The following PSD3 variants were observed in gnomAD, a reference collection of about 807,000 sequenced individuals.
PSD3 encodes the protein PH and SEC7 domain-containing protein 3.
PSD3 carries 49 observed loss-of-function variants against 105.5 expected under a neutral mutation model. The observed-to-expected ratio is 0.46, with a 90% CI of 0.37 to 0.59. PSD3 has a LOEUF of 0.59. PSD3 is among the 20% of genes least tolerant of loss of function. The probability of loss-of-function intolerance (pLI) is 0.00; values close to 1 mark genes in which losing one functional copy is unlikely to be tolerated. For missense variants in PSD3, 1,561 were observed against 1,263.8 expected, an observed-to-expected ratio of 1.24 and a Z score of -3.57; for synonymous variants, 557 against 457.8, an observed-to-expected ratio of 1.22 and a Z score of -2.77.
intron 4 of PSD3, among the ~76,000 whole-genome samples, chr8:18,817,770 T>C (rs1213770943): frequency 6.6e-6 from 1 of 152,222 alleles, no homozygotes; most frequent in Non-Finnish European, 1.5e-5. Flanking sequence ...GCTCTCTCTA[T>C]GTTGCAGATC....
At chr8:18,980,415 T>A (rs1454743786) in intron 1 of PSD3, among the ~76,000 whole-genome samples, 2 of 152,216 alleles carry the variant, frequency 1.3e-5, no homozygotes, top group Non-Finnish European at 2.9e-5. Context: ...TCCCTCTCTG[T>A]CAAGTGAAAG....
chr8:18,695,681 C>T (rs1264737671), intron 9 of PSD3, among the ~76,000 whole-genome samples: 1 of 152,194 alleles, frequency 6.6e-6, no homozygotes, highest in Non-Finnish European at 1.5e-5. Context: ...AACGGTTTTG[C>T]TCTTCCTGGG....
At chr8:18,733,291 T>G (rs889156584) in intron 9 of PSD3, 1 of 152,184 alleles carries the variant, frequency 6.6e-6, no homozygotes, top group Non-Finnish European at 1.5e-5. Context: ...GTCATAATTG[T>G]ATAAGTTCAA....
intron 4 of PSD3, among the ~76,000 whole-genome samples, chr8:18,853,944 G>C (rs1422515797): frequency 6.6e-6 from 1 of 152,120 alleles, no homozygotes; most frequent in Non-Finnish European, 1.5e-5. Flanking sequence ...ATTAACATAT[G>C]ATCATTTTCC....
intron 15 of PSD3, among the ~76,000 whole-genome samples, chr8:18,539,589 C>G (rs577166487): frequency 4.1e-5 from 6 of 146,928 alleles, no homozygotes; most frequent in African/African-American, 7.6e-5. Context: ...TGCTCTGTCT[C>G]CAGGCTGGAG....
intron 9 of PSD3, among the ~76,000 whole-genome samples, chr8:18,749,791 C>T (rs551147780): frequency 8.5e-5 from 13 of 152,218 alleles, no homozygotes; most frequent in African/African-American, 2.6e-4. Flanking sequence ...GCGGACCACA[C>T]GCAAAGGACT....
intron 12 of PSD3, among the ~76,000 whole-genome samples, chr8:18,578,329 G>A (rs184817885): frequency 2.0e-5 from 3 of 152,188 alleles, no homozygotes; most frequent in South Asian, 4.2e-4. Context: ...TAGTTGTGCA[G>A]ACTGTAGCTA....
intron 1 of PSD3, among the ~76,000 whole-genome samples, chr8:18,969,397 C>A (rs1824493455): frequency 1.3e-5 from 2 of 152,196 alleles, no homozygotes. Context: ...CGTTCAATTG[C>A]ATAGAAATCA....
At chr8:18,698,017 A>G (rs1801358103) in intron 9 of PSD3, among the ~76,000 whole-genome samples, 1 of 152,314 alleles carries the variant, frequency 6.6e-6, no homozygotes, top group African/African-American at 2.4e-5. Flanking sequence ...ATGTCAAAAG[A>G]GAATTTGCAG....
At position 18,575,172 on chromosome 8, in the gene PSD3, A is replaced by G. The variant is rs781546703; in HGVS notation, c.2595T>C (p.Phe865=). The change falls in exon 13 of 16, where the codon TTT becomes TTC. Residue 865 remains phenylalanine, a synonymous_variant. Transcript: ENST00000327040. ...CCCTCCAGTCGGCAGTTTTAAGTTTAAACACGTTTGGTTTCTTCTCATAGT... is the reference window on the plus strand; with the variant it reads ...CCCTCCAGTCGGCAGTTTTAAGTTTGAACACGTTTGGTTTCTTCTCATAGT... The part of the protein sequence containing the change: ...ATDYEKKPNV[F]KLKTADWRVL... 6.2e-7 allele frequency: 1 copy of G among 1,613,824 alleles called. No homozygotes were observed. The highest frequency in any genetic ancestry group is 1.1e-5 in the South Asian group (1 of 91,046).
chr8:18,894,078 G>A (rs904222631), intron 2 of PSD3, among the ~76,000 whole-genome samples: 2 of 152,170 alleles, frequency 1.3e-5, no homozygotes, highest in Admixed American at 1.3e-4. Context: ...CCAGCACATA[G>A]GAAATATTCA....
intron 4 of PSD3, among the ~76,000 whole-genome samples, chr8:18,843,016 A>G (rs1216210741): frequency 6.6e-6 from 1 of 152,198 alleles, no homozygotes; most frequent in Non-Finnish European, 1.5e-5. Context: ...TTCCACAGTC[A>G]ATATGCCACT....
chr8:18,689,408 G>C (rs1800846147), intron 9 of PSD3, among the ~76,000 whole-genome samples: 1 of 152,118 alleles, frequency 6.6e-6, no homozygotes, highest in Non-Finnish European at 1.5e-5. Flanking sequence ...AAATCTCACA[G>C]AACCATTAGT....
chr8:18,783,000 G>A (rs75020466), intron 8 of PSD3, among the ~76,000 whole-genome samples: 3 of 152,146 alleles, frequency 2.0e-5, no homozygotes, highest in African/African-American at 4.8e-5. Flanking sequence ...TTGGTATCAG[G>A]GTAATAGTGC....
At chr8:18,886,241 G>A (rs1440015471) in intron 2 of PSD3, among the ~76,000 whole-genome samples, 1 of 152,046 alleles carries the variant, frequency 6.6e-6, no homozygotes, top group Non-Finnish European at 1.5e-5. Context: ...ATAATATTTT[G>A]CTTTCTATAT....
At chr8:18,658,403 A>G (rs1436790130) in intron 9 of PSD3, among the ~76,000 whole-genome samples, 1 of 152,086 alleles carries the variant, frequency 6.6e-6, no homozygotes, top group Non-Finnish European at 1.5e-5. Context: ...CCTGGCAGTC[A>G]TTACTTCCTT....
At chr8:18,541,682 TCTTTA>T (rs1404779136) in intron 15 of PSD3, among the ~76,000 whole-genome samples, 1 of 151,972 alleles carries the variant, frequency 6.6e-6, no homozygotes, top group South Asian at 2.1e-4. Flanking sequence ...TTTTTCTCTC[TCTTTA>T]GAGAGAAACG....
At chr8:18,861,357 C>A (rs1816427904) in intron 4 of PSD3, among the ~76,000 whole-genome samples, 1 of 152,136 alleles carries the variant, frequency 6.6e-6, no homozygotes, top group Admixed American at 6.5e-5. Flanking sequence ...TCCTCACAGT[C>A]CCATCCTCAG....
At chr8:18,628,176 T>C (rs1217373945) in intron 11 of PSD3, among the ~76,000 whole-genome samples, 3 of 149,882 alleles carry the variant, frequency 2.0e-5, no homozygotes, top group Admixed American at 2.0e-4. Flanking sequence ...ATAACAGGAG[T>C]GGAGGCTTTA....
Sources: gnomAD v4.1 joint callset for allele counts (sites outside exome capture counted in the v4.1 genomes callset) on GRCh38, gnomAD v4.1.1 for gene constraint, MANE v1.5 for transcripts, NCBI Gene and HGNC (gene_info 2026-07-23, HGNC 2026-07-21) for gene names.